Variants in SEZ6L observed in about 807,000 individuals in gnomAD.
SEZ6L encodes seizure related 6 homolog like, also known as seizure 6-like protein.
Under a neutral mutation model 106.2 loss-of-function variants are expected in SEZ6L, and 37 were observed. The ratio of observed to expected loss-of-function variants is 0.35; its 90% confidence interval spans 0.27 to 0.46. SEZ6L has a LOEUF of 0.46. SEZ6L is among the 20% of genes least tolerant of loss of function. The pLI is 1.00. For synonymous variants in SEZ6L, 541 were observed against 570.4 expected (o/e 0.95, Z 0.73); for missense variants, 1,172 against 1,332.8 (o/e 0.88, Z 1.88).
intron 1 of SEZ6L, among the ~76,000 whole-genome samples, chr22:26,257,692 T>G (rs2079869130): frequency 6.6e-6 from 1 of 152,040 alleles, no homozygotes; most frequent in African/African-American, 2.4e-5. Flanking sequence ...AGGGAACAGG[T>G]AGTACAGAGG....
chr22:26,229,853 T>G (rs141721502), intron 1 of SEZ6L, among the ~76,000 whole-genome samples: 1 of 152,168 alleles, frequency 6.6e-6, no homozygotes, highest in African/African-American at 2.4e-5. Flanking sequence ...CAGGTGCAGG[T>G]GTTAACAAAT....
intron 13 of SEZ6L, among the ~76,000 whole-genome samples, chr22:26,372,881 C>T (rs896865456): frequency 2.0e-5 from 3 of 152,164 alleles, no homozygotes; most frequent in Non-Finnish European, 4.4e-5. Context: ...AACAGGAAAA[C>T]AGTTCCACCT....
intron 1 of SEZ6L, among the ~76,000 whole-genome samples, chr22:26,212,041 C>T (rs1269122786): frequency 3.3e-5 from 5 of 151,840 alleles, no homozygotes; most frequent in South Asian, 2.1e-4. Context: ...TAAAATGTGA[C>T]GGACAAGTGG....
At chr22:26,338,108 A>G (rs1213581258) in intron 9 of SEZ6L, among the ~76,000 whole-genome samples, 1 of 152,020 alleles carries the variant, frequency 6.6e-6, no homozygotes, top group East Asian at 1.9e-4. Context: ...AGTTTCAGGA[A>G]CTCTGCTCAG....
chr22:26,338,573 T>C (rs1484664275), intron 9 of SEZ6L, among the ~76,000 whole-genome samples: 1 of 151,772 alleles, frequency 6.6e-6, no homozygotes, highest in African/African-American at 2.4e-5. Flanking sequence ...AAAAAAATTT[T>C]TTTTGAGACA....
At chr22:26,287,365 G>A (rs1347477519) in intron 1 of SEZ6L, among the ~76,000 whole-genome samples, 1 of 152,124 alleles carries the variant, frequency 6.6e-6, no homozygotes, top group East Asian at 1.9e-4. Context: ...TGTGTCGGGT[G>A]TCAACCATAG....
rs927895088 is a variant in SEZ6L, at chr22:26,327,648, G to T, written c.2016-12788G>T. Among the ~76,000 whole-genome samples, 3 of 115,318 alleles carry T rather than the reference G, an allele frequency of 2.6e-5. No homozygotes were observed. In the Admixed American group the frequency reaches 2.7e-4, roughly 10 times the overall value. The allele number at this position is 115,318 out of a possible 152,430, so 75.7% of individuals were successfully genotyped here. On this transcript the variant is annotated intron_variant, in intron 9 of 16. Transcript: ENST00000248933. ...TAAACACACACCACACGCACCACAT[G>T]ACACACCACGCCCACACCACATGAC...
Position 26,293,026 on chromosome 22 carries a change from C to T in SEZ6L, c.715C>T (p.Pro239Ser). Reference protein sequence around the residue: ...AQEAPQEDTSPMALMDKGENE... With the variant: ...AQEAPQEDTSSMALMDKGENE... ...GGAGGCCCCCCAGGAGGACACCAGC[C>T]CCATGGCCCTGATGGACAAAGGTGA... The change falls in exon 2 of 17, where the codon CCC becomes TCC. Residue 239 changes from proline (P) to serine (S), a missense_variant. Physicochemically the swap from Pro to Ser is moderately conservative, Grantham distance 74. This residue lies in a region of SEZ6L where 494 missense variants were observed against 445.8 expected (regional missense o/e 1.11). Transcript: ENST00000248933. 6.2e-7 allele frequency: 1 copy of T among 1,614,170 alleles called. No homozygotes were observed. The highest frequency in any genetic ancestry group is 8.5e-7 in the Non-Finnish European group (1 of 1,180,032).
At chr22:26,253,003 T>C (rs2079656333) in intron 1 of SEZ6L, among the ~76,000 whole-genome samples, 1 of 152,240 alleles carries the variant, frequency 6.6e-6, no homozygotes, top group Non-Finnish European at 1.5e-5. Flanking sequence ...ATATTAATAG[T>C]GGTAGCAGAC....
At chr22:26,196,344 A>G (rs1940579358) in intron 1 of SEZ6L, among the ~76,000 whole-genome samples, 1 of 152,192 alleles carries the variant, frequency 6.6e-6, no homozygotes, top group Non-Finnish European at 1.5e-5. Context: ...GAGCCAATTA[A>G]GCCTCTTTTC....
chr22:26,243,676 C>A (rs2079215984), intron 1 of SEZ6L, among the ~76,000 whole-genome samples: 1 of 152,136 alleles, frequency 6.6e-6, no homozygotes, highest in African/African-American at 2.4e-5. Flanking sequence ...TTATAAGGAT[C>A]ACTCTAGCTG....
At chr22:26,251,338 GTTTT>G (rs5844679) in intron 1 of SEZ6L, among the ~76,000 whole-genome samples, 26,382 of 149,208 alleles carry the variant, frequency 0.18, 2,534 homozygotes, top group East Asian at 0.35. Flanking sequence ...TTTGTTGAAA[GTTTT>G]TTTTTTTTTT....
At chr22:26,198,471 G>A (rs1369850886) in intron 1 of SEZ6L, among the ~76,000 whole-genome samples, 1 of 152,200 alleles carries the variant, frequency 6.6e-6, no homozygotes, top group Non-Finnish European at 1.5e-5. Context: ...GGGACAACAA[G>A]CATAAAATAA....
At chr22:26,282,672 A>G (rs1000505773) in intron 1 of SEZ6L, among the ~76,000 whole-genome samples, 2 of 152,166 alleles carry the variant, frequency 1.3e-5, no homozygotes, top group Non-Finnish European at 2.9e-5. Flanking sequence ...GCTCGAGAGT[A>G]CCTCAAAAAT....
At position 26,348,703 on chromosome 22, in the gene SEZ6L, A is replaced by AAAGAAAGG. The variant is rs1207033331; in HGVS notation, c.2407+791_2407+792insAGAAAGGA. On this transcript the variant is annotated intron_variant, in intron 11 of 16. Transcript: ENST00000248933. ...GAAAGAAAGAAAGAAAGAAAGAAAG[A>AAAGAAAGG]AGGCAAGGGAGGGAAGGGAGGGAAG... Among the ~76,000 whole-genome samples the AAAGAAAGG allele has an allele frequency of 1.2e-3, 49 of 41,484 alleles. 1 individual carries two copies. The highest frequency in any genetic ancestry group is 5.2e-3 in the African/African-American group (46 of 8,874). 27.2% of individuals were successfully genotyped at this position (41,484 alleles called of 152,430 possible).
chr22:26,271,169 T>A (rs1601332630), intron 1 of SEZ6L, among the ~76,000 whole-genome samples: 1 of 152,236 alleles, frequency 6.6e-6, no homozygotes, highest in African/African-American at 2.4e-5. Flanking sequence ...GGATAGGAAC[T>A]ATAGAACAGC....
intron 10 of SEZ6L, among the ~76,000 whole-genome samples, chr22:26,346,112 C>T (rs1253465744): frequency 1.3e-5 from 2 of 151,948 alleles, no homozygotes; most frequent in Non-Finnish European, 2.9e-5. Flanking sequence ...GCTGCAGTCT[C>T]GAACTCCCAG....
intron 1 of SEZ6L, among the ~76,000 whole-genome samples, chr22:26,182,144 G>A (rs9613121): frequency 0.057 from 8,744 of 152,184 alleles, 309 homozygotes; most frequent in Admixed American, 0.11. Flanking sequence ...CAGACATGTC[G>A]AATGAATAAA....
At chr22:26,216,788 A>G (rs1288114775) in intron 1 of SEZ6L, among the ~76,000 whole-genome samples, 1 of 152,244 alleles carries the variant, frequency 6.6e-6, no homozygotes, top group Non-Finnish European at 1.5e-5. Flanking sequence ...TTTATCAGAC[A>G]TCATGCTATT....
Sources: gnomAD v4.1 joint callset for allele counts (sites outside exome capture counted in the v4.1 genomes callset) on GRCh38, gnomAD v4.1.1 for gene constraint, gnomAD v4.1.1 regional missense constraint, MANE v1.5 for transcripts, NCBI Gene and HGNC (gene_info 2026-07-23, HGNC 2026-07-21) for gene names.